NME7: variants seen among roughly 807,000 people sequenced by gnomAD.
NME7 encodes nucleoside diphosphate kinase 7.
A neutral mutation model predicts 49.1 loss-of-function variants in NME7; 41 were observed. The observed-to-expected ratio is 0.83, with a 90% CI of 0.65 to 1.08. NME7 has a LOEUF of 1.08. Ranked by LOEUF, NME7 falls within the 50% of genes least tolerant of loss-of-function variation. The probability of loss-of-function intolerance (pLI) is 0.00; values close to 1 mark genes in which losing one functional copy is unlikely to be tolerated. For synonymous variants in NME7, 139 were observed against 150.6 expected (o/e 0.92, Z 0.56); for missense variants, 423 against 463.4 (o/e 0.91, Z 0.80).
At chr1:169,332,698 T>G (rs1439802533) in intron 1 of NME7, among the ~76,000 whole-genome samples, 1 of 152,022 alleles carries the variant, frequency 6.6e-6, no homozygotes, top group Non-Finnish European at 1.5e-5. Context: ...GACATACAAA[T>G]GGAAAATAAG....
In NME7 at chr1:169,176,706, T is replaced by C. The variant is rs3820054; in HGVS notation, c.991-7152A>G. Among the ~76,000 whole-genome samples the C allele has an allele frequency of 0.059, 8,853 of 150,530 alleles. 1,145 individuals are homozygous for C. The East Asian group carries it at 0.6, about 10-fold the overall frequency. The stretch of plus-strand genomic sequence containing the variant: ...GTCTTATTTGACACAGGTGTTACTT[T>C]TAAAAGTAAAAATTATGATCTCTTG... On this transcript the variant is annotated intron_variant, in intron 10 of 11. Coordinates refer to ENST00000367811, the MANE Select transcript of NME7 (RefSeq NM_013330.5).
At chr1:169,202,334 A>G (rs1244496140) in intron 10 of NME7, among the ~76,000 whole-genome samples, 1 of 152,090 alleles carries the variant, frequency 6.6e-6, no homozygotes, top group Non-Finnish European at 1.5e-5. Context: ...TTAACAGTGT[A>G]TGGCACCCCC....
rs116041910 is a variant in NME7 at position 169,317,483 on chromosome 1, T to C, written c.278+5634A>G. Among the ~76,000 whole-genome samples the C allele has an allele frequency of 2.0e-3, 302 of 152,324 alleles. 4 individuals are homozygous for C. The highest frequency in any genetic ancestry group is 7.0e-3 in the African/African-American group (293 of 41,578). ...AATAGCATGCCATCTTAGACAACGA[T>C]ACTATAGATAAGTAAAGATGAGAAA... On this transcript the variant is annotated intron_variant, in intron 3 of 11. Coordinates refer to ENST00000367811, the MANE Select transcript of NME7 (RefSeq NM_013330.5).
At chr1:169,199,675 A>G (rs1016380977) in intron 10 of NME7, among the ~76,000 whole-genome samples, 2 of 151,976 alleles carry the variant, frequency 1.3e-5, no homozygotes, top group East Asian at 3.9e-4. Context: ...CTACAAAAAT[A>G]AAAATCATGT....
chr1:169,170,053 G>C (rs1005109816), intron 10 of NME7, among the ~76,000 whole-genome samples: 2 of 152,154 alleles, frequency 1.3e-5, no homozygotes, highest in South Asian at 2.1e-4. Flanking sequence ...GGACCTAGGG[G>C]ATAAAGAGGT....
Position 169,274,208 on chromosome 1 carries a change from G to A in NME7, c.754+13095C>T, listed in dbSNP as rs571700555. On this transcript the variant is annotated intron_variant, in intron 7 of 11. Coordinates refer to ENST00000367811, the MANE Select transcript of NME7 (RefSeq NM_013330.5). ...TTGTGGTTTTGATTTGCATTTCTCT[G>A]ATGGCCAGTGATGATGAGCATTTTT... Among the ~76,000 whole-genome samples, 934 of 133,646 alleles carry A rather than the reference G, an allele frequency of 7.0e-3. 95 individuals carry two copies. The highest frequency in any genetic ancestry group is 0.023 in the African/African-American group (892 of 39,536). 87.7% of individuals were successfully genotyped at this position (133,646 alleles called of 152,430 possible). A position where few individuals can be genotyped will look rare whatever the true frequency, so the allele number is the denominator to read the frequency against.
chr1:169,248,736 G>A (rs1648427336), intron 7 of NME7, among the ~76,000 whole-genome samples: 1 of 152,002 alleles, frequency 6.6e-6, no homozygotes, highest in African/African-American at 2.4e-5. Context: ...TAAATAAGGT[G>A]TCCTTTCCTC....
intron 11 of NME7, among the ~76,000 whole-genome samples, chr1:169,133,419 T>C (rs1313608557): frequency 6.6e-6 from 1 of 152,220 alleles, no homozygotes; most frequent in African/African-American, 2.4e-5. Flanking sequence ...GCACTGTGTC[T>C]TCAGGGGTGC....
rs139188452 is a variant in NME7 at position 169,245,391 on chromosome 1, G to A, written c.755-7704C>T. Among the ~76,000 whole-genome samples the A allele has an allele frequency of 7.9e-4, 120 of 152,230 alleles. No homozygotes were observed. In the East Asian group the frequency reaches 0.022, roughly 28 times the overall value. On this transcript the variant is annotated intron_variant, in intron 7 of 11. Coordinates refer to ENST00000367811, the MANE Select transcript of NME7 (RefSeq NM_013330.5). Reference sequence around the variant, plus strand: ...TTACAAAACTGAAATTTAAAGAAGCGACCAGGCTGTTGTACAAGATAATTC... The same window carrying A: ...TTACAAAACTGAAATTTAAAGAAGCAACCAGGCTGTTGTACAAGATAATTC...
At chr1:169,292,690 T>C (rs1650550944) in intron 6 of NME7, among the ~76,000 whole-genome samples, 1 of 152,156 alleles carries the variant, frequency 6.6e-6, no homozygotes, top group African/African-American at 2.4e-5. Flanking sequence ...TGGAGTACTT[T>C]AAAAATTTTT....
intron 7 of NME7, among the ~76,000 whole-genome samples, chr1:169,267,079 G>T (rs1049828814): frequency 7.6e-6 from 1 of 131,990 alleles, no homozygotes; most frequent in African/African-American, 2.6e-5. Flanking sequence ...AAAAACAAAC[G>T]AACAAACAAA....
Position 169,323,242 on chromosome 1 carries a change from T to C in NME7, c.153A>G (p.Lys51=). 2 of 1,605,570 alleles carry C rather than the reference T, an allele frequency of 1.2e-6. No homozygotes were observed. Among genetic ancestry groups the C allele is most frequent in the Non-Finnish European group, 8.5e-7 (1 of 1,176,320 alleles). ...KNHRTFLKRT[K]YDNLHLEDLF... is the part of the protein sequence containing the mutation. ...AATCTTCCAAGTGCAGGTTATCATA[T>C]TTGGTCCGCTTTAAAAAGGTGCGAT... is the stretch of plus-strand genomic sequence containing the variant. Residue 51 remains lysine, a synonymous_variant, in exon 3 of 12, where the codon AAA becomes AAG. Coordinates refer to ENST00000367811, the MANE Select transcript of NME7 (RefSeq NM_013330.5).
chr1:169,308,019 C>CA (rs11410749), intron 4 of NME7, among the ~76,000 whole-genome samples: 34,149 of 109,736 alleles, frequency 0.31, 4,450 homozygotes, highest in Admixed American at 0.42. Flanking sequence ...GACTCCATCT[C>CA]AAAAAAAAAA....
chr1:169,229,148 T>A (rs1209278905), intron 10 of NME7, among the ~76,000 whole-genome samples: 1 of 152,220 alleles, frequency 6.6e-6, no homozygotes, highest in Non-Finnish European at 1.5e-5. Flanking sequence ...TTAAATAGAA[T>A]TACAATTTTT....
At chr1:169,364,839 G>A (rs548928387) in intron 1 of NME7, among the ~76,000 whole-genome samples, 48 of 152,246 alleles carry the variant, frequency 3.2e-4, no homozygotes, top group African/African-American at 1.0e-3. Context: ...ATAGAAGGCC[G>A]CAAGGTTAGG....
At chr1:169,162,113 G>C (rs916300591) in intron 11 of NME7, among the ~76,000 whole-genome samples, 1 of 152,112 alleles carries the variant, frequency 6.6e-6, no homozygotes, top group Non-Finnish European at 1.5e-5. Flanking sequence ...TCAGTCAGCA[G>C]TACACACTTC....
chr1:169,278,992 A>T (rs939011074), intron 7 of NME7, among the ~76,000 whole-genome samples: 2 of 152,166 alleles, frequency 1.3e-5, no homozygotes, highest in Non-Finnish European at 2.9e-5. Context: ...GTGTCTGCAG[A>T]ACAGTGGATT....
intron 1 of NME7, among the ~76,000 whole-genome samples, chr1:169,341,725 G>A (rs1444716387): frequency 6.6e-6 from 1 of 152,156 alleles, no homozygotes; most frequent in Non-Finnish European, 1.5e-5. Context: ...CCCTGGGTGT[G>A]AGACATGGAA....
intron 7 of NME7, among the ~76,000 whole-genome samples, chr1:169,248,957 G>T (rs1440802680): frequency 6.6e-6 from 1 of 151,978 alleles, no homozygotes; most frequent in Non-Finnish European, 1.5e-5. Context: ...GATTGCTTTG[G>T]CTATTCAGGT....
Sources: gnomAD v4.1 joint callset for allele counts (sites outside exome capture counted in the v4.1 genomes callset) on GRCh38, gnomAD v4.1.1 for gene constraint, MANE v1.5 for transcripts, NCBI Gene and HGNC (gene_info 2026-07-23, HGNC 2026-07-21) for gene names.